Variants in EVI5 observed in about 807,000 individuals in gnomAD.
EVI5 encodes ecotropic viral integration site 5 protein homolog.
A neutral mutation model predicts 112.0 loss-of-function variants in EVI5; 73 were observed. That is an observed-to-expected ratio of 0.65 (90% CI 0.54 to 0.79). The LOEUF (loss-of-function observed/expected upper bound fraction) is 0.79, where lower values mean the gene tolerates loss of function less well. Ranked by LOEUF, EVI5 falls within the 30% of genes least tolerant of loss-of-function variation. The pLI is 0.00. For synonymous variants in EVI5, 305 were observed against 319.9 expected (o/e 0.95, Z 0.50); for missense variants, 900 against 968.8 (o/e 0.93, Z 0.94).
Position 92,730,683 on chromosome 1 carries a change from C to CAAAAAAAAAAAAAAAAAAAA in EVI5, c.149+5695_149+5714dup, listed in dbSNP as rs1226099468. Among the ~76,000 whole-genome samples the CAAAAAAAAAAAAAAAAAAAA allele has an allele frequency of 3.3e-5, 2 of 59,738 alleles. 1 individual carries two copies. Among genetic ancestry groups the CAAAAAAAAAAAAAAAAAAAA allele is most frequent in the Non-Finnish European group, 7.1e-5 (2 of 28,092 alleles). 39.2% of individuals were successfully genotyped at this position (59,738 alleles called of 152,430 possible). A position where few individuals can be genotyped will look rare whatever the true frequency, so the allele number is the denominator to read the frequency against. ...GGTGACAAAGCAAGACCTTCTCTCA[C>CAAAAAAAAAAAAAAAAAAAA]AAAAAAAAAAAAAAAAAAAAGGAAC... is the stretch of plus-strand genomic sequence containing the variant. On this transcript the variant is annotated intron_variant, in intron 2 of 19. Coordinates refer to ENST00000684568, the MANE Select transcript of EVI5 (RefSeq NM_001350197.2).
intron 18 of EVI5, among the ~76,000 whole-genome samples, chr1:92,604,867 T>C (rs1571843155): frequency 6.6e-6 from 1 of 152,198 alleles, no homozygotes; most frequent in African/African-American, 2.4e-5. Flanking sequence ...CATTACCATA[T>C]ATGCTGTCCG....
At chr1:92,650,587 C>A (rs899824629) in intron 13 of EVI5, among the ~76,000 whole-genome samples, 3 of 151,932 alleles carry the variant, frequency 2.0e-5, no homozygotes, top group African/African-American at 7.2e-5. Flanking sequence ...TTTATCCAAT[C>A]TTATAATTGG....
At chr1:92,517,085 G>A (rs1660028807) in intron 19 of EVI5, among the ~76,000 whole-genome samples, 3 of 152,112 alleles carry the variant, frequency 2.0e-5, no homozygotes, top group South Asian at 4.1e-4. Flanking sequence ...CACGCATTCA[G>A]GAAATTTTGA....
At chr1:92,704,507 GA>G in intron 3 of EVI5, 47 bp downstream of exon 3, 1 of 1,203,102 alleles carries the variant, frequency 8.3e-7, no homozygotes, top group Non-Finnish European at 1.2e-6. Context: ...AGTTATGTCT[GA>G]CGCACTATGG....
chr1:92,664,790 G>A (rs1270510375), intron 11 of EVI5, among the ~76,000 whole-genome samples: 4 of 152,076 alleles, frequency 2.6e-5, no homozygotes, highest in Non-Finnish European at 5.9e-5. Flanking sequence ...GACAAATACT[G>A]CAAAATATCC....
intron 13 of EVI5, among the ~76,000 whole-genome samples, chr1:92,651,077 T>C (rs1263210229): frequency 6.6e-6 from 1 of 152,212 alleles, no homozygotes; most frequent in African/African-American, 2.4e-5. Context: ...ATTGTATCTG[T>C]TTAATGTGTC....
At chr1:92,526,158 A>T (rs1661837086) in intron 19 of EVI5, among the ~76,000 whole-genome samples, 1 of 152,168 alleles carries the variant, frequency 6.6e-6, no homozygotes, top group Admixed American at 6.6e-5. Flanking sequence ...TCCCTGGCTC[A>T]AGTGAGCCTT....
At chr1:92,675,934 C>T (rs1475885035) in intron 10 of EVI5, among the ~76,000 whole-genome samples, 8 of 133,532 alleles carry the variant, frequency 6.0e-5, no homozygotes, top group Admixed American at 8.6e-5. Flanking sequence ...CCAGCCTGGG[C>T]GATACAGCGA....
chr1:92,516,744 GCC>G (rs1659952286), intron 19 of EVI5, among the ~76,000 whole-genome samples: 1 of 152,104 alleles, frequency 6.6e-6, no homozygotes, highest in Non-Finnish European at 1.5e-5. Context: ...CCACAGCTGG[GCC>G]CTCTAAAGTG....
chr1:92,562,914 G>A (rs532650599), intron 19 of EVI5, among the ~76,000 whole-genome samples: 2 of 152,114 alleles, frequency 1.3e-5, no homozygotes, highest in East Asian at 1.9e-4. Context: ...TCTCATCACT[G>A]TGAATAAACA....
At chr1:92,741,930 A>T (rs1227229130) in intron 1 of EVI5, among the ~76,000 whole-genome samples, 1 of 152,174 alleles carries the variant, frequency 6.6e-6, no homozygotes, top group Admixed American at 6.5e-5. Flanking sequence ...CCTTAGACTA[A>T]CACAAAAAGC....
chr1:92,528,281 A>G (rs1557717947), intron 19 of EVI5, among the ~76,000 whole-genome samples: 2 of 152,234 alleles, frequency 1.3e-5, no homozygotes, highest in Non-Finnish European at 2.9e-5. Context: ...ATGGCTTCGC[A>G]GTATCGACTA....
upstream of EVI5, chr1:92,785,111 G>A (rs1406797403): frequency 4.1e-6 from 4 of 985,324 alleles, no homozygotes; most frequent in Non-Finnish European, 4.8e-6. Context: ...GAGAGCCCAA[G>A]GCGCAGGCGC....
chr1:92,647,211 T>C lies in EVI5; in HGVS notation c.1393-10875A>G, dbSNP rs957778356. 1.0e-4 allele frequency: 17 copies of C among 164,206 alleles called. 1 individual carries two copies. Among genetic ancestry groups the C allele is most frequent in the Admixed American group, 3.0e-4 (5 of 16,642 alleles). 10.2% of individuals were successfully genotyped at this position (164,206 alleles called of 1,614,324 possible). On this transcript the variant is annotated intron_variant, in intron 13 of 19. Coordinates refer to ENST00000684568, the MANE Select transcript of EVI5 (RefSeq NM_001350197.2). Reference sequence around the variant, plus strand: ...TCTCGTATTTCTCCCTCAGCTTCACTGCCTTAGTGATGCAAGGCTGCTTTT... The same window carrying C: ...TCTCGTATTTCTCCCTCAGCTTCACCGCCTTAGTGATGCAAGGCTGCTTTT...
chr1:92,775,632 G>C (rs1401376496), intron 1 of EVI5, among the ~76,000 whole-genome samples: 1 of 152,056 alleles, frequency 6.6e-6, no homozygotes, highest in Non-Finnish European at 1.5e-5. Context: ...ATCTAGCTTT[G>C]TCTAAGTGTA....
At chr1:92,634,555 T>C (rs1211218708) in intron 14 of EVI5, among the ~76,000 whole-genome samples, 1 of 152,192 alleles carries the variant, frequency 6.6e-6, no homozygotes, top group East Asian at 1.9e-4. Flanking sequence ...CTTCTCTGCA[T>C]TGGTTATTCT....
intron 1 of EVI5, among the ~76,000 whole-genome samples, chr1:92,741,080 T>C (rs528915358): frequency 2.6e-4 from 39 of 152,348 alleles, no homozygotes; most frequent in Non-Finnish European, 5.1e-4. Context: ...CCAGGTACTG[T>C]TGTAAACACT....
At chr1:92,792,334 A>C in intron 1 of EVI5, 1 of 1,566,444 alleles carries the variant, frequency 6.4e-7, no homozygotes, top group African/African-American at 1.4e-5. Flanking sequence ...ACATCGTTTT[A>C]CACATTTACC....
chr1:92,741,545 A>G (rs1678409257), intron 1 of EVI5, among the ~76,000 whole-genome samples: 5 of 152,228 alleles, frequency 3.3e-5, no homozygotes, highest in Admixed American at 3.3e-4. Flanking sequence ...AGGGCCTTCA[A>G]ACAGACAGTA....
Sources: allele counts gnomAD v4.1 joint callset (sites outside exome capture counted in the v4.1 genomes callset), GRCh38; gene constraint gnomAD v4.1.1; transcripts MANE v1.5; gene names NCBI Gene and HGNC (gene_info 2026-07-23, HGNC 2026-07-21).